The following AGBL3 variants were observed in gnomAD, a reference collection of about 807,000 sequenced individuals.
AGBL3 encodes the protein cytosolic carboxypeptidase 3.
A neutral mutation model predicts 94.5 loss-of-function variants in AGBL3; 68 were observed. The observed-to-expected ratio is 0.72, with a 90% CI of 0.59 to 0.88. The LOEUF is 0.88. Among genes scored for constraint, AGBL3 ranks in the 40% least tolerant of loss-of-function variants. The probability of loss-of-function intolerance (pLI) is 0.00; values close to 1 mark genes in which losing one functional copy is unlikely to be tolerated. For missense variants in AGBL3, 934 were observed against 1,103.8 expected (o/e 0.85, Z 2.18); for synonymous variants, 354 against 370.7 (o/e 0.95, Z 0.52).
chr7:135,134,208 G>A (rs777872687), intron 16 of AGBL3, among the ~76,000 whole-genome samples: 17 of 152,012 alleles, frequency 1.1e-4, no homozygotes, highest in Admixed American at 5.9e-4. Context: ...GGGGAAATTG[G>A]GTGAAGAGTT....
chr7:135,062,463 G>A (rs1404422563), intron 12 of AGBL3, among the ~76,000 whole-genome samples: 2 of 152,090 alleles, frequency 1.3e-5, no homozygotes, highest in Admixed American at 1.3e-4. Flanking sequence ...AAGCTTTCAA[G>A]TTTTCACCAT....
intron 8 of AGBL3, among the ~76,000 whole-genome samples, chr7:135,043,502 T>C (rs188565389): frequency 6.6e-6 from 1 of 152,142 alleles, no homozygotes; most frequent in East Asian, 1.9e-4. Context: ...GTACAAAAAA[T>C]AAGAACTAGT....
chr7:135,015,858 CAAAAAAAAG>C (rs1356969052), intron 4 of AGBL3, among the ~76,000 whole-genome samples: 8 of 77,130 alleles, frequency 1.0e-4, no homozygotes, highest in Admixed American at 1.6e-4. Context: ...ACTAAAAATA[CAAAAAAAAG>C]AAAAAAAAAA....
intron 5 of AGBL3, among the ~76,000 whole-genome samples, chr7:135,030,124 T>C (rs1296512142): frequency 1.4e-5 from 2 of 147,192 alleles, no homozygotes; most frequent in Non-Finnish European, 3.0e-5. Context: ...AAAATGGTGC[T>C]GATAGACTTG....
chr7:135,017,608 A>ACC (rs1813957687), intron 5 of AGBL3, among the ~76,000 whole-genome samples: 1 of 152,236 alleles, frequency 6.6e-6, no homozygotes, highest in Non-Finnish European at 1.5e-5. Context: ...AAAATCAAAC[A>ACC]TAGAAGTCTC....
rs1563261250 is a variant in AGBL3 at position 135,097,082 on chromosome 7, CCCAAAT to C, written c.2110+15293_2110+15298del. On this transcript the variant is annotated intron_variant, in intron 15 of 16. Coordinates refer to ENST00000436302, the MANE Select transcript of AGBL3 (RefSeq NM_178563.4). The stretch of plus-strand genomic sequence containing the variant: ...CTGGTGAATTTGCTTGGGCATACCA[CCCAAAT>C]GAATGCTTATCACATCAACAAATGA... Among the ~76,000 whole-genome samples the C allele has an allele frequency of 7.0e-3, 1,070 of 152,292 alleles. 13 individuals carry two copies. Among genetic ancestry groups the C allele is most frequent in the African/African-American group, 0.025 (1,020 of 41,564 alleles).
intron 4 of AGBL3, 75 bp from the exon 5 acceptor site, chr7:135,016,977 T>C (rs1028313127): frequency 2.1e-6 from 2 of 965,770 alleles, no homozygotes; most frequent in African/African-American, 3.2e-5. Context: ...CAATGAATAA[T>C]TTGAAAATAT....
In AGBL3 at chr7:135,026,554, C is replaced by T. The variant is rs534345492; in HGVS notation, c.419-6290C>T. Among the ~76,000 whole-genome samples the T allele has an allele frequency of 4.0e-4, 61 of 151,594 alleles. 1 individual carries two copies. Among genetic ancestry groups the T allele is most frequent in the African/African-American group, 1.3e-3 (52 of 41,510 alleles). On this transcript the variant is annotated intron_variant, in intron 5 of 16. Transcript: ENST00000436302. Reference sequence around the variant, plus strand: ...CCTCCCAAAGTGCTGGGATTATGGGCGTAAGCCACCATGCCCGCCAGTGTC... The same window carrying T: ...CCTCCCAAAGTGCTGGGATTATGGGTGTAAGCCACCATGCCCGCCAGTGTC...
chr7:135,131,785 T>C (rs1046148514), intron 16 of AGBL3, among the ~76,000 whole-genome samples: 19 of 151,784 alleles, frequency 1.3e-4, no homozygotes, highest in African/African-American at 4.6e-4. Flanking sequence ...ATCAATAAAA[T>C]TGACAAACTT....
At chr7:135,075,417 C>T (rs565717090) in intron 12 of AGBL3, among the ~76,000 whole-genome samples, 4 of 152,132 alleles carry the variant, frequency 2.6e-5, no homozygotes, top group Non-Finnish European at 4.4e-5. Context: ...TCCATAGTTT[C>T]TTCCTTTTTA....
intron 11 of AGBL3, among the ~76,000 whole-genome samples, chr7:135,057,359 AT>A (rs1818430799): frequency 6.6e-6 from 1 of 152,198 alleles, no homozygotes; most frequent in African/African-American, 2.4e-5. Flanking sequence ...CTTTTTAGAT[AT>A]GACAAAATCA....
At chr7:135,005,533 T>C (rs1235475921) in intron 4 of AGBL3, among the ~76,000 whole-genome samples, 1 of 151,774 alleles carries the variant, frequency 6.6e-6, no homozygotes, top group Admixed American at 6.6e-5. Context: ...ATGTCAACTC[T>C]CCCCAGTTGA....
chr7:135,126,703 G>T (rs1461002813), intron 16 of AGBL3, among the ~76,000 whole-genome samples: 1 of 152,100 alleles, frequency 6.6e-6, no homozygotes, highest in Non-Finnish European at 1.5e-5. Context: ...GGAGACCTCA[G>T]AAATAATACC....
At chr7:135,013,997 C>G (rs1471468365) in intron 4 of AGBL3, among the ~76,000 whole-genome samples, 1 of 151,898 alleles carries the variant, frequency 6.6e-6, no homozygotes, top group Non-Finnish European at 1.5e-5. Flanking sequence ...GAGTTCGAGA[C>G]CAGCCTGGGC....
intron 16 of AGBL3, among the ~76,000 whole-genome samples, chr7:135,119,641 G>A (rs1826848301): frequency 6.6e-6 from 1 of 152,042 alleles, no homozygotes. Flanking sequence ...ACTTTGGGAG[G>A]CCGAGGTGGG....
intron 5 of AGBL3, among the ~76,000 whole-genome samples, chr7:135,032,474 T>TC (rs1815861771): frequency 1.4e-5 from 2 of 147,884 alleles, no homozygotes; most frequent in African/African-American, 5.1e-5. Context: ...CTGGCTAATT[T>TC]TTTTTTTTTT....
At chr7:135,081,696 A>G (rs1310881773) in intron 14 of AGBL3, 23 bp from the exon 15 acceptor site, 8 of 1,469,662 alleles carry the variant, frequency 5.4e-6, no homozygotes, top group Admixed American at 2.0e-5. Flanking sequence ...TCATGCTACT[A>G]TGATCTTTAT....
intron 11 of AGBL3, among the ~76,000 whole-genome samples, chr7:135,051,573 A>G (rs1217277358): frequency 1.3e-5 from 2 of 152,068 alleles, no homozygotes; most frequent in African/African-American, 2.4e-5. Context: ...CATAGCCTAG[A>G]TGATAGTTAT....
intron 5 of AGBL3, among the ~76,000 whole-genome samples, chr7:135,028,434 A>G (rs1815383976): frequency 6.6e-6 from 1 of 152,192 alleles, no homozygotes; most frequent in Non-Finnish European, 1.5e-5. Context: ...CCAGTAATAA[A>G]TTTCATGTTA....
Sources: gnomAD v4.1 joint callset for allele counts (sites outside exome capture counted in the v4.1 genomes callset) on GRCh38, gnomAD v4.1.1 for gene constraint, MANE v1.5 for transcripts, NCBI Gene and HGNC (gene_info 2026-07-23, HGNC 2026-07-21) for gene names.